The following NOL4 variants were observed in gnomAD, a reference collection of about 807,000 sequenced individuals.
NOL4 encodes nucleolar protein 4, also known as cancer/testis antigen 125.
NOL4 carries 17 observed loss-of-function variants against 75.9 expected under a neutral mutation model. That is an observed-to-expected ratio of 0.22 (90% CI 0.15 to 0.34). NOL4 has a LOEUF of 0.34. Ranked by LOEUF, NOL4 falls within the 10% of genes least tolerant of loss-of-function variation. The pLI is 1.00. For missense variants in NOL4, 614 were observed against 793.5 expected (o/e 0.77, Z 2.72); for synonymous variants, 292 against 289.9 (o/e 1.01, Z -0.07).
intron 5 of NOL4, among the ~76,000 whole-genome samples, chr18:34,033,986 C>A (rs535086914): frequency 1.3e-5 from 2 of 152,128 alleles, no homozygotes; most frequent in South Asian, 4.2e-4. Flanking sequence ...TTTTCCCAGA[C>A]AATTGAAAGC....
chr18:34,118,546 T>C (rs547289622), intron 2 of NOL4, among the ~76,000 whole-genome samples: 6 of 152,354 alleles, frequency 3.9e-5, no homozygotes, highest in African/African-American at 1.4e-4. Context: ...GAGCGGCCTC[T>C]ATCTGAGGAA....
intron 1 of NOL4, among the ~76,000 whole-genome samples, chr18:34,157,723 G>A (rs1231310035): frequency 6.6e-6 from 1 of 152,104 alleles, no homozygotes; most frequent in Non-Finnish European, 1.5e-5. Flanking sequence ...AAGAAGATGG[G>A]AAGAGATTAT....
At chr18:34,080,513 T>C (rs958889150) in intron 5 of NOL4, among the ~76,000 whole-genome samples, 1 of 152,140 alleles carries the variant, frequency 6.6e-6, no homozygotes, top group Admixed American at 6.6e-5. Flanking sequence ...GAAGGGCTCA[T>C]AGGCTAACAT....
At chr18:34,119,163 G>A (rs1428781812) in intron 2 of NOL4, among the ~76,000 whole-genome samples, 2 of 152,106 alleles carry the variant, frequency 1.3e-5, no homozygotes, top group South Asian at 4.1e-4. Context: ...AGACATACTG[G>A]CCTGCCTAAA....
chr18:33,910,374 C>T lies in NOL4; in HGVS notation c.1543-26950G>A, dbSNP rs537879827. Among the ~76,000 whole-genome samples, 58 of 152,146 alleles carry T rather than the reference C, an allele frequency of 3.8e-4. No homozygotes were observed. The South Asian group carries it at 8.3e-3, about 22-fold the overall frequency. ...GTCTAGTGTTTGAAAGATAACAGTG[C>T]GTGGCCTATTTATTTCCCGGTATCC... is the stretch of plus-strand genomic sequence containing the variant. On this transcript the variant is annotated intron_variant, in intron 9 of 10. Transcript: ENST00000261592.
chr18:33,980,860 A>C (rs976563167), intron 6 of NOL4, among the ~76,000 whole-genome samples: 5 of 152,072 alleles, frequency 3.3e-5, no homozygotes, highest in Non-Finnish European at 1.5e-5. Flanking sequence ...CATCAGAACC[A>C]GACGCAGGTA....
intron 1 of NOL4, among the ~76,000 whole-genome samples, chr18:34,203,741 AC>A (rs2146505282): frequency 6.6e-6 from 1 of 150,446 alleles, no homozygotes; most frequent in African/African-American, 2.4e-5. Context: ...ACACACACAC[AC>A]ACACACACAC....
intron 1 of NOL4, among the ~76,000 whole-genome samples, chr18:34,158,414 C>T (rs2030834361): frequency 6.6e-6 from 1 of 152,150 alleles, no homozygotes; most frequent in South Asian, 2.1e-4. Context: ...ATTTACCCCC[C>T]ACCCTCGAGT....
At chr18:34,120,907 C>T (rs558275523) in intron 2 of NOL4, among the ~76,000 whole-genome samples, 23 of 152,218 alleles carry the variant, frequency 1.5e-4, no homozygotes, top group Non-Finnish European at 1.0e-4. Context: ...TGAAGTTAAT[C>T]AAGCAGAAAA....
chr18:34,126,667 A>G (rs2145880878), intron 2 of NOL4, among the ~76,000 whole-genome samples: 1 of 152,252 alleles, frequency 6.6e-6, no homozygotes, highest in Admixed American at 6.6e-5. Flanking sequence ...AGAAAACCAG[A>G]AAACAGTGAT....
At chr18:33,963,962 G>C (rs1208633551) in intron 6 of NOL4, among the ~76,000 whole-genome samples, 1 of 152,108 alleles carries the variant, frequency 6.6e-6, no homozygotes, top group East Asian at 1.9e-4. Flanking sequence ...TGGAAAAAAG[G>C]CGAACCTGTG....
intron 1 of NOL4, among the ~76,000 whole-genome samples, chr18:34,217,584 A>C (rs924838189): frequency 6.6e-6 from 1 of 151,870 alleles, no homozygotes. Flanking sequence ...ACCGCGCTTG[A>C]CCTTGTATTT....
At chr18:34,194,884 C>T (rs62095784) in intron 1 of NOL4, among the ~76,000 whole-genome samples, 1 of 151,646 alleles carries the variant, frequency 6.6e-6, no homozygotes, top group Non-Finnish European at 1.5e-5. Flanking sequence ...ATTAGCCGGG[C>T]GTGGTAGTAC....
chr18:34,109,472 T>A (rs1280343226), intron 2 of NOL4, among the ~76,000 whole-genome samples: 2 of 152,160 alleles, frequency 1.3e-5, no homozygotes, highest in African/African-American at 4.8e-5. Context: ...TGAGCTATGA[T>A]CATGCCACTG....
At chr18:34,091,221 G>C (rs1423126020) in intron 5 of NOL4, among the ~76,000 whole-genome samples, 1 of 151,570 alleles carries the variant, frequency 6.6e-6, no homozygotes, top group Non-Finnish European at 1.5e-5. Flanking sequence ...AAATTAGCTG[G>C]GTGTGGTGGT....
At chr18:34,212,227 C>G (rs575793683) in intron 1 of NOL4, among the ~76,000 whole-genome samples, 9 of 152,206 alleles carry the variant, frequency 5.9e-5, no homozygotes, top group African/African-American at 1.9e-4. Context: ...TATATACATA[C>G]ATATTCCTAA....
intron 2 of NOL4, among the ~76,000 whole-genome samples, chr18:34,118,045 T>C (rs924954211): frequency 2.0e-5 from 3 of 152,216 alleles, no homozygotes; most frequent in South Asian, 2.1e-4. Context: ...TGTAACTTGG[T>C]GCTTTGGTAT....
chr18:34,025,566 C>T (rs75305842), intron 5 of NOL4, among the ~76,000 whole-genome samples: 3,683 of 152,244 alleles, frequency 0.024, 300 homozygotes, highest in Admixed American at 0.16. Flanking sequence ...ACTAATTCTC[C>T]AGCTATTTGT....
intron 6 of NOL4, among the ~76,000 whole-genome samples, chr18:33,970,620 TCTCATAACTTATACAGATCACATTATC>T (rs779820221): frequency 1.6e-3 from 247 of 152,296 alleles, no homozygotes; most frequent in African/African-American, 5.6e-3. Context: ...ATCACATTAT[TCTCATAACTTATACAGATCACATTATC>T]CTCATAACTT....
Sources: allele counts gnomAD v4.1 joint callset (sites outside exome capture counted in the v4.1 genomes callset), GRCh38; gene constraint gnomAD v4.1.1; transcripts MANE v1.5; gene names NCBI Gene and HGNC (gene_info 2026-07-23, HGNC 2026-07-21).